The following TMEM26 variants were observed in gnomAD, a reference collection of about 807,000 sequenced individuals.
TMEM26 encodes the protein transmembrane protein 26.
TMEM26 carries 38 observed loss-of-function variants against 28.8 expected under a neutral mutation model. That is an observed-to-expected ratio of 1.32 (90% CI 1.02 to 1.73). TMEM26 has a LOEUF of 1.73. Ranked by LOEUF, TMEM26 falls within the 40% of genes most tolerant of loss-of-function variation. TMEM26 has a pLI of 0.00. For missense variants in TMEM26, 518 were observed against 447.1 expected, an observed-to-expected ratio of 1.16 and a Z score of -1.43; for synonymous variants, 227 against 182.9, an observed-to-expected ratio of 1.24 and a Z score of -1.95.
At chr10:61,413,761 T>C (rs1839607684) in intron 4 of TMEM26, 3 of 1,206,668 alleles carry the variant, frequency 2.5e-6, no homozygotes, top group Non-Finnish European at 1.0e-6. Flanking sequence ...GCATGAATTA[T>C]GACAAAGCCT....
At chr10:61,444,818 C>T (rs1840153240) in intron 1 of TMEM26, among the ~76,000 whole-genome samples, 1 of 151,994 alleles carries the variant, frequency 6.6e-6, no homozygotes, top group Non-Finnish European at 1.5e-5. Flanking sequence ...AGCTTTCCAT[C>T]CTGGGAAGAA....
rs570548671 is a variant in TMEM26 at position 61,407,796 on chromosome 10, G to A, written c.*2526C>T. The A allele has an allele frequency of 6.6e-6, 1 of 152,286 alleles. No individual in the cohort carries two copies. The highest frequency in any genetic ancestry group is 2.1e-4 in the South Asian group (1 of 4,824). The allele number at this position is 152,286 out of a possible 1,614,324, so 9.4% of individuals were successfully genotyped here. ...ACTGTGTGTTGGGGGGAGGGGTTAT[G>A]ATAGAGAGGATGACTTGCATCACAT... On this transcript the variant is annotated 3_prime_UTR_variant, in exon 6 of 6. Transcript: ENST00000399298.
Position 61,453,088 on chromosome 10 carries a change from C to G in TMEM26, c.-7G>C, listed in dbSNP as rs757285822. The G allele has an allele frequency of 1.2e-6, 2 of 1,610,722 alleles. No individual in the cohort carries two copies. On this transcript the variant is annotated 5_prime_UTR_variant, in exon 1 of 6. Transcript: ENST00000399298. ...GGAAGACCAGTCCCTCCATGCTGGC[C>G]GGAGCACTCTGCCTACGTCCCCTTG...
chr10:61,422,118 A>G (rs1839759477), intron 4 of TMEM26, among the ~76,000 whole-genome samples: 1 of 152,156 alleles, frequency 6.6e-6, no homozygotes, highest in Non-Finnish European at 1.5e-5. Flanking sequence ...TTAACAATTC[A>G]ATTTTGCACA....
At chr10:61,413,609 T>C (rs1457372670) in intron 4 of TMEM26, 74 bp from the exon 5 acceptor site, 2 of 1,482,730 alleles carry the variant, frequency 1.3e-6, no homozygotes, top group Non-Finnish European at 1.8e-6. Context: ...TCAGTCAAGT[T>C]TTTTAGTATA....
intron 5 of TMEM26, chr10:61,412,906 T>C (rs769912692): frequency 1.2e-4 from 160 of 1,283,376 alleles, no homozygotes; most frequent in Non-Finnish European, 1.5e-4. Context: ...GGGGTTTATG[T>C]TTTTATTAAA....
chr10:61,411,958 A>G (rs1041605877), intron 5 of TMEM26, among the ~76,000 whole-genome samples: 1 of 152,212 alleles, frequency 6.6e-6, no homozygotes, highest in Non-Finnish European at 1.5e-5. Context: ...GCATAACATT[A>G]TCACCCCTGA....
chr10:61,417,589 A>T (rs907175329), intron 4 of TMEM26, among the ~76,000 whole-genome samples: 3 of 151,956 alleles, frequency 2.0e-5, no homozygotes, highest in African/African-American at 7.2e-5. Flanking sequence ...TGAAAAAGAG[A>T]TTAGCCTCAA....
At chr10:61,440,374 C>A (rs1180952653) in intron 1 of TMEM26, among the ~76,000 whole-genome samples, 2 of 152,188 alleles carry the variant, frequency 1.3e-5, no homozygotes, top group African/African-American at 4.8e-5. Flanking sequence ...ATTACTGTCA[C>A]ACTGCCATGG....
At chr10:61,446,552 G>C (rs1840183671) in intron 1 of TMEM26, among the ~76,000 whole-genome samples, 1 of 151,988 alleles carries the variant, frequency 6.6e-6, no homozygotes, top group South Asian at 2.1e-4. Context: ...CAGGCGCGAT[G>C]GCTCACGCCT....
At chr10:61,440,142 A>G (rs939685156) in intron 1 of TMEM26, among the ~76,000 whole-genome samples, 3 of 152,102 alleles carry the variant, frequency 2.0e-5, no homozygotes, top group Non-Finnish European at 4.4e-5. Context: ...CCATAGGCTG[A>G]GGCAGGAGAA....
chr10:61,426,979 T>C (rs2135306115), intron 4 of TMEM26, among the ~76,000 whole-genome samples: 1 of 152,164 alleles, frequency 6.6e-6, no homozygotes, highest in East Asian at 1.9e-4. Context: ...GGAGGGTTTT[T>C]GGGACAGTGG....
intron 1 of TMEM26, among the ~76,000 whole-genome samples, chr10:61,449,055 A>G (rs1021103115): frequency 1.3e-5 from 2 of 152,246 alleles, no homozygotes; most frequent in Non-Finnish European, 2.9e-5. Context: ...TGCCCAGACA[A>G]TAGAAAATAA....
Position 61,406,698 on chromosome 10 carries a change from CA to C in TMEM26, c.*3623del, listed in dbSNP as rs1207218389. 6.6e-6 allele frequency: 1 copy of C among 151,872 alleles called. No individual in the cohort carries two copies. Among genetic ancestry groups the C allele is most frequent in the Non-Finnish European group, 1.5e-5 (1 of 67,928 alleles). The allele number at this position is 151,872 out of a possible 1,614,324, so 9.4% of individuals were successfully genotyped here. On this transcript the variant is annotated 3_prime_UTR_variant, in exon 6 of 6. Transcript: ENST00000399298. ...AATAAAATACAAAGGCCACTCATAGCAAAATAGTATAAATATAAATACTGCA... is the reference window on the plus strand; with the variant it reads ...AATAAAATACAAAGGCCACTCATAGCAAATAGTATAAATATAAATACTGCA...
At chr10:61,441,800 T>A (rs986345943) in intron 1 of TMEM26, among the ~76,000 whole-genome samples, 2 of 152,204 alleles carry the variant, frequency 1.3e-5, no homozygotes, top group Non-Finnish European at 2.9e-5. Context: ...CCCAATTACC[T>A]GTCAGAATAC....
intron 1 of TMEM26, among the ~76,000 whole-genome samples, chr10:61,450,573 A>G (rs958994661): frequency 6.6e-6 from 1 of 152,190 alleles, no homozygotes; most frequent in African/African-American, 2.4e-5. Flanking sequence ...AGCATTATTA[A>G]TCATATTCCT....
rs573105330 is a variant in TMEM26 at position 61,411,074 on chromosome 10, A to T, written c.683-328T>A. Among the ~76,000 whole-genome samples, 25 of 152,304 alleles carry T rather than the reference A, an allele frequency of 1.6e-4. 2 individuals carry two copies. In the South Asian group the frequency reaches 5.2e-3, roughly 32 times the overall value. ...CTCCTTGTGAGGCTGAGGCTGCACC[A>T]TGGGGGGAATAAAAAATAAAGGAAG... On this transcript the variant is annotated intron_variant, in intron 5 of 5. Transcript: ENST00000399298.
chr10:61,414,811 T>C (rs868473645), intron 4 of TMEM26: 2 of 214,652 alleles, frequency 9.3e-6, no homozygotes, highest in Non-Finnish European at 8.0e-6. Context: ...TTAAAAAATA[T>C]AGTTAGGATT....
chr10:61,431,964 T>C (rs78685773), intron 2 of TMEM26, among the ~76,000 whole-genome samples: 1,646 of 152,198 alleles, frequency 0.011, 27 homozygotes, highest in African/African-American at 0.037. Context: ...CTCCCACTTA[T>C]AAGTGAAACA....
Sources: allele counts gnomAD v4.1 joint callset (sites outside exome capture counted in the v4.1 genomes callset), GRCh38; gene constraint gnomAD v4.1.1; transcripts MANE v1.5; gene names NCBI Gene and HGNC (gene_info 2026-07-23, HGNC 2026-07-21).